Variants in PTPRT observed in about 807,000 individuals in gnomAD.
The protein encoded by PTPRT is protein tyrosine phosphatase receptor type T, also known as receptor-type tyrosine-protein phosphatase T.
In PTPRT, 56 loss-of-function variants were observed where a neutral mutation model predicts 176.8. The observed-to-expected ratio is 0.32, with a 90% CI of 0.26 to 0.40. PTPRT has a LOEUF of 0.40. Among genes scored for constraint, PTPRT ranks in the 10% least tolerant of loss-of-function variants. PTPRT has a pLI of 1.00. For missense variants in PTPRT, 1,540 were observed against 1,908.2 expected, an observed-to-expected ratio of 0.81 and a Z score of 3.60; for synonymous variants, 783 against 739.0, an observed-to-expected ratio of 1.06 and a Z score of -0.96.
At chr20:42,813,550 A>AG (rs2077732306) in intron 2 of PTPRT, among the ~76,000 whole-genome samples, 1 of 151,812 alleles carries the variant, frequency 6.6e-6, no homozygotes, top group Non-Finnish European at 1.5e-5. Context: ...TGTTCTGCCT[A>AG]GGTGACTCCA....
chr20:42,827,321 A>G (rs1322028342), intron 2 of PTPRT, among the ~76,000 whole-genome samples: 1 of 152,214 alleles, frequency 6.6e-6, no homozygotes, highest in Non-Finnish European at 1.5e-5. Context: ...ATCCTCAGAA[A>G]ATGCAAAAGA....
chr20:42,097,956 T>TGG (rs1378505366), intron 27 of PTPRT, among the ~76,000 whole-genome samples: 1 of 151,978 alleles, frequency 6.6e-6, no homozygotes, highest in Admixed American at 6.6e-5. Flanking sequence ...TGGGGCTTGG[T>TGG]GGGGTGGTCA....
At chr20:42,808,099 T>C (rs1179086251) in intron 2 of PTPRT, among the ~76,000 whole-genome samples, 1 of 152,182 alleles carries the variant, frequency 6.6e-6, no homozygotes. Context: ...CCTCAGCCAG[T>C]CCTGCCCGTT....
chr20:42,337,821 G>A (rs553778601), intron 11 of PTPRT, among the ~76,000 whole-genome samples: 20 of 152,282 alleles, frequency 1.3e-4, no homozygotes, highest in South Asian at 8.3e-4. Context: ...TGAGACTTTG[G>A]AGAGGAAAAG....
chr20:42,267,216 A>G (rs1227648786), intron 13 of PTPRT, among the ~76,000 whole-genome samples: 1 of 152,240 alleles, frequency 6.6e-6, no homozygotes, highest in Admixed American at 6.5e-5. Flanking sequence ...TTAATATAAA[A>G]TAGGCTTTGT....
chr20:42,343,395 C>T (rs1462476483), intron 11 of PTPRT, among the ~76,000 whole-genome samples: 1 of 152,204 alleles, frequency 6.6e-6, no homozygotes, highest in East Asian at 1.9e-4. Context: ...CACCCCAACA[C>T]CCTGCCCCTT....
At chr20:42,658,994 A>C (rs2075174990) in intron 7 of PTPRT, among the ~76,000 whole-genome samples, 1 of 152,144 alleles carries the variant, frequency 6.6e-6, no homozygotes, top group South Asian at 2.1e-4. Context: ...AAATGTCTCA[A>C]AATTTTGTAT....
At chr20:42,428,335 A>G (rs1021083757) in intron 9 of PTPRT, among the ~76,000 whole-genome samples, 2 of 152,104 alleles carry the variant, frequency 1.3e-5, no homozygotes, top group Non-Finnish European at 2.9e-5. Flanking sequence ...GTTTCTTTTC[A>G]TTTTTCTTTT....
chr20:42,637,343 CA>C (rs1156826093), intron 7 of PTPRT, among the ~76,000 whole-genome samples: 1 of 152,084 alleles, frequency 6.6e-6, no homozygotes, highest in Non-Finnish European at 1.5e-5. Context: ...TGGGCCTTAA[CA>C]ATCTTTCTGA....
chr20:42,421,545 A>G (rs6016785), intron 9 of PTPRT, among the ~76,000 whole-genome samples: 123,960 of 151,634 alleles, frequency 0.82, 50,847 homozygotes, highest in Admixed American at 0.86. Flanking sequence ...ATGGGCTGAC[A>G]GGGTGTGTGT....
intron 7 of PTPRT, among the ~76,000 whole-genome samples, chr20:42,561,582 A>C (rs964810040): frequency 2.0e-5 from 3 of 152,092 alleles, no homozygotes; most frequent in Non-Finnish European, 4.4e-5. Context: ...CCAGTTATGG[A>C]ACTGTGTGTA....
At chr20:43,105,335 C>T in intron 1 of PTPRT, among the ~76,000 whole-genome samples, 1 of 151,918 alleles carries the variant, frequency 6.6e-6, no homozygotes, top group East Asian at 1.9e-4. Context: ...CCCACTTCCC[C>T]AGCCCCCTTC....
intron 2 of PTPRT, among the ~76,000 whole-genome samples, chr20:42,791,971 T>C (rs1260823748): frequency 6.6e-6 from 1 of 152,224 alleles, no homozygotes; most frequent in Non-Finnish European, 1.5e-5. Flanking sequence ...CTCCACCATA[T>C]GACTTGTTTT....
intron 7 of PTPRT, among the ~76,000 whole-genome samples, chr20:42,612,293 T>C (rs1020924610): frequency 6.6e-6 from 1 of 152,360 alleles, no homozygotes; most frequent in East Asian, 1.9e-4. Context: ...ACCGAGCTTT[T>C]CATTTTGCAC....
chr20:42,262,672 C>A (rs1600744716), intron 13 of PTPRT, among the ~76,000 whole-genome samples: 1 of 152,298 alleles, frequency 6.6e-6, no homozygotes, highest in East Asian at 1.9e-4. Context: ...GGCACATGCT[C>A]CATCAATGTC....
At chr20:42,812,339 C>T (rs2077710127) in intron 2 of PTPRT, among the ~76,000 whole-genome samples, 1 of 152,084 alleles carries the variant, frequency 6.6e-6, no homozygotes, top group African/African-American at 2.4e-5. Context: ...ATTTCTAAAA[C>T]TTTTTCATCA....
Position 42,493,686 on chromosome 20 carries a change from C to T in PTPRT, c.1154-21124G>A, listed in dbSNP as rs75227340. On this transcript the variant is annotated intron_variant, in intron 7 of 30. Transcript: ENST00000373187. ...GACATTTCACGTAGCCCCACAACAG[C>T]TGTCAGAGGGAAGAAGTGGTGTGCC... Among the ~76,000 whole-genome samples the T allele has an allele frequency of 4.7e-3, 722 of 152,282 alleles. 7 individuals carry two copies. The highest frequency in any genetic ancestry group is 0.017 in the African/African-American group (689 of 41,560).
intron 6 of PTPRT, among the ~76,000 whole-genome samples, chr20:42,727,293 A>G (rs1017248744): frequency 6.6e-5 from 10 of 152,316 alleles, no homozygotes; most frequent in Middle Eastern, 3.4e-3. Context: ...CTGTTACTTG[A>G]CATCTTTCGG....
At chr20:43,097,627 A>G (rs1426057194) in intron 1 of PTPRT, among the ~76,000 whole-genome samples, 1 of 152,188 alleles carries the variant, frequency 6.6e-6, no homozygotes, top group Non-Finnish European at 1.5e-5. Context: ...TAGTACTGGG[A>G]TTCAAACCTG....
Sources: gnomAD v4.1 joint callset for allele counts (sites outside exome capture counted in the v4.1 genomes callset) on GRCh38, gnomAD v4.1.1 for gene constraint, MANE v1.5 for transcripts, NCBI Gene and HGNC (gene_info 2026-07-23, HGNC 2026-07-21) for gene names.